FREM2: variants seen among roughly 807,000 people sequenced by gnomAD.
FREM2 encodes FRAS1-related extracellular matrix protein 2.
A neutral mutation model predicts 219.9 loss-of-function variants in FREM2; 119 were observed. That is an observed-to-expected ratio of 0.54 (90% CI 0.47 to 0.63). FREM2 has a LOEUF of 0.63. FREM2 is among the 30% of genes least tolerant of loss of function. The pLI is 0.00. For synonymous variants in FREM2, 1,562 were observed against 1,522.8 expected (o/e 1.03, Z -0.60); for missense variants, 4,030 against 3,993.6 (o/e 1.01, Z -0.25).
At chr13:38,716,456 A>G (rs1376678361) in intron 2 of FREM2, among the ~76,000 whole-genome samples, 2 of 151,900 alleles carry the variant, frequency 1.3e-5, no homozygotes, top group African/African-American at 2.4e-5. Flanking sequence ...TTTCTTTCCC[A>G]TTCCCTTTCC....
At chr13:38,724,659 G>A (rs1488996690) in intron 2 of FREM2, among the ~76,000 whole-genome samples, 2 of 152,200 alleles carry the variant, frequency 1.3e-5, no homozygotes, top group Admixed American at 6.5e-5. Context: ...CATGGAGGCT[G>A]ATTTCAGGGG....
At chr13:38,779,753 G>T (rs781310026) in intron 4 of FREM2, among the ~76,000 whole-genome samples, 1 of 152,172 alleles carries the variant, frequency 6.6e-6, no homozygotes, top group Non-Finnish European at 1.5e-5. Context: ...AACAGTTCTG[G>T]TGAAAATAGC....
intron 2 of FREM2, among the ~76,000 whole-genome samples, chr13:38,735,955 T>A (rs1165677899): frequency 6.6e-6 from 1 of 152,162 alleles, no homozygotes; most frequent in Non-Finnish European, 1.5e-5. Flanking sequence ...CATCCCCATG[T>A]CTTTAGGAAA....
rs778305004 is a variant in FREM2 at position 38,850,179 on chromosome 13, T to G, written c.6521T>G (p.Met2174Arg). The G allele has an allele frequency of 1.2e-5, 19 of 1,614,050 alleles. No homozygotes were observed. The highest frequency in any genetic ancestry group is 1.6e-5 in the Non-Finnish European group (19 of 1,179,954). The change falls in exon 9 of 24, where the codon ATG becomes AGG. Residue 2174 changes from methionine (M) to arginine (R), a missense_variant. Physicochemically the swap from Met to Arg is moderately conservative, Grantham distance 91 (BLOSUM62 -1). Transcript: ENST00000280481. The stretch of plus-strand genomic sequence containing the variant: ...ACCCGGCAGGGGTCTGCACAGGTGA[T>G]GATGGACTTTGAAGAACGCCCAAAC... ...CYTRQGSAQV[M>R]MDFEERPNTD...
intron 2 of FREM2, among the ~76,000 whole-genome samples, chr13:38,704,697 T>C (rs1870471300): frequency 6.6e-6 from 1 of 152,150 alleles, no homozygotes; most frequent in Non-Finnish European, 1.5e-5. Context: ...CCTGTATTAG[T>C]CAGTTTTCAC....
chr13:38,861,689 C>T, intron 15 of FREM2, 127 bp downstream of exon 15: 2 of 971,176 alleles, frequency 2.1e-6, no homozygotes, highest in South Asian at 2.7e-5. Context: ...GCTTCAAGTC[C>T]TTCCACTTCT....
chr13:38,864,382 A>G lies in FREM2; in HGVS notation c.7759A>G (p.Thr2587Ala), dbSNP rs777090925. Residue 2587 changes from threonine to alanine, a missense_variant, in exon 16 of 24, where the codon ACT becomes GCT. Coordinates refer to ENST00000280481, the MANE Select transcript of FREM2 (RefSeq NM_207361.6). ...NHKCSNLLDY[T>A]EVKTHYGFLT... ...CAAGTGCTCCAACCTCCTGGATTAT[A>G]CTGAAGTGAAGACTCATTATGGTTT... 12 of 1,614,008 alleles carry G rather than the reference A, an allele frequency of 7.4e-6. No individual in the cohort carries two copies. The Admixed American group carries it at 1.7e-4, about 22-fold the overall frequency.
At chr13:38,855,727 G>A (rs1877529713) in intron 11 of FREM2, among the ~76,000 whole-genome samples, 1 of 152,106 alleles carries the variant, frequency 6.6e-6, no homozygotes, top group Non-Finnish European at 1.5e-5. Context: ...TGGGACTCCA[G>A]GGAAAGGGTG....
In FREM2 at chr13:38,874,505, C is replaced by T. The variant is rs151140397; in HGVS notation, c.8200C>T (p.Arg2734Cys). The change falls in exon 18 of 24, where the codon CGC (arginine) becomes TGC (cysteine). Residue 2734 changes from arginine to cysteine, a missense_variant. Physicochemically the swap from Arg to Cys is radical, Grantham distance 180. Around this residue, in one of 2 missense-constraint regions of FREM2, gnomAD observed 928 missense variants for 1,042.9 expected, o/e 0.89. Transcript: ENST00000280481. ...AGGTTCTCTCTATCCAACCAGCATG[C>T]GCATCGGTGATGAGGGGCGCTTGGC... Reference protein sequence around the residue: ...LQGSLYPTSMRIGDEGRLAVH... With the variant: ...LQGSLYPTSMCIGDEGRLAVH... 1.6e-5 allele frequency: 26 copies of T among 1,613,902 alleles called. No homozygotes were observed. The highest frequency in any genetic ancestry group is 1.6e-4 in the Middle Eastern group (1 of 6,082).
intron 6 of FREM2, among the ~76,000 whole-genome samples, chr13:38,799,521 T>C (rs1004834054): frequency 6.6e-6 from 1 of 152,070 alleles, no homozygotes; most frequent in Non-Finnish European, 1.5e-5. Flanking sequence ...TCTTTGTTTA[T>C]TTTCTGTCTC....
At position 38,858,026 on chromosome 13, in the gene FREM2, G is replaced by T; in HGVS notation, c.7208G>T (p.Cys2403Phe). 1 of 1,613,498 alleles carries T rather than the reference G, an allele frequency of 6.2e-7. No homozygotes were observed. The highest frequency in any genetic ancestry group is 8.5e-7 in the Non-Finnish European group (1 of 1,179,472). ...CCCATGTCTGGCTATCCTGTCATCT[G>T]TATCACAGTGAGTAGGAGATTCACA... Reference protein sequence around the residue: ...AEPMSGYPVICITACNPKYSD... With the variant: ...AEPMSGYPVIFITACNPKYSD... The change falls in exon 13 of 24, where the codon TGT becomes TTT. Residue 2403 changes from cysteine (C) to phenylalanine (F), a missense_variant. Around this residue, in one of 2 missense-constraint regions of FREM2, gnomAD observed 928 missense variants for 1,042.9 expected, o/e 0.89. Transcript: ENST00000280481.
intron 6 of FREM2, among the ~76,000 whole-genome samples, chr13:38,789,002 A>G (rs1214823924): frequency 6.6e-6 from 1 of 152,018 alleles, no homozygotes; most frequent in African/African-American, 2.4e-5. Context: ...GAAGAAACTT[A>G]CTTGTTCATG....
chr13:38,808,706 A>C lies in FREM2; in HGVS notation c.6019+23898A>C, dbSNP rs180819198. On this transcript the variant is annotated intron_variant, in intron 6 of 23. Transcript: ENST00000280481. The stretch of plus-strand genomic sequence containing the variant: ...CTGTTTGTGGCACCCCAAAATAATT[A>C]CAATAGTAACATCAAAGATCACTGA... Among the ~76,000 whole-genome samples, 24 of 152,064 alleles carry C rather than the reference A, an allele frequency of 1.6e-4. 3 individuals are homozygous for C. In the East Asian group the frequency reaches 4.8e-3, roughly 30 times the overall value.
chr13:38,729,110 A>G (rs922824614), intron 2 of FREM2, among the ~76,000 whole-genome samples: 1 of 152,170 alleles, frequency 6.6e-6, no homozygotes, highest in African/African-American at 2.4e-5. Flanking sequence ...TCTCTTAGAG[A>G]GTCACAGTAG....
chr13:38,768,342 T>A (rs1873523370), intron 3 of FREM2, among the ~76,000 whole-genome samples: 1 of 152,156 alleles, frequency 6.6e-6, no homozygotes, highest in Admixed American at 6.5e-5. Context: ...CACAGTGGCA[T>A]AATCACAACT....
chr13:38,827,664 G>A (rs909941587), intron 6 of FREM2: 2 of 152,092 alleles, frequency 1.3e-5, no homozygotes, highest in African/African-American at 4.8e-5. Flanking sequence ...TTTCTTGATA[G>A]CAGTAACTGT....
At chr13:38,710,992 CT>C (rs1870748137) in intron 2 of FREM2, among the ~76,000 whole-genome samples, 1 of 152,180 alleles carries the variant, frequency 6.6e-6, no homozygotes, top group South Asian at 2.1e-4. Flanking sequence ...TTGTACACCC[CT>C]AGGTATGTTT....
intron 6 of FREM2, among the ~76,000 whole-genome samples, chr13:38,797,457 T>A (rs1258788856): frequency 6.6e-6 from 1 of 152,134 alleles, no homozygotes; most frequent in Non-Finnish European, 1.5e-5. Context: ...ATTTGTATTT[T>A]TTTAAAAAAT....
intron 2 of FREM2, among the ~76,000 whole-genome samples, chr13:38,737,432 G>A (rs1403460157): frequency 6.6e-6 from 1 of 152,188 alleles, no homozygotes; most frequent in Non-Finnish European, 1.5e-5. Flanking sequence ...CTATGGCAAA[G>A]CGAATGTTTG....
Sources: allele counts gnomAD v4.1 joint callset (sites outside exome capture counted in the v4.1 genomes callset), GRCh38; gene constraint gnomAD v4.1.1; regional missense constraint gnomAD v4.1.1; transcripts MANE v1.5; gene names NCBI Gene and HGNC (gene_info 2026-07-23, HGNC 2026-07-21).